Variants in PLCB1 observed in about 807,000 individuals in gnomAD.
PLCB1 encodes phospholipase C beta 1.
Under a neutral mutation model 161.8 loss-of-function variants are expected in PLCB1, and 46 were observed. The observed-to-expected ratio is 0.28, with a 90% CI of 0.22 to 0.36. The LOEUF (loss-of-function observed/expected upper bound fraction) is 0.36. Ranked by LOEUF, PLCB1 falls within the 10% of genes least tolerant of loss-of-function variation. PLCB1 has a pLI of 1.00. For missense variants in PLCB1, 1,016 were observed against 1,472.5 expected, an observed-to-expected ratio of 0.69 and a Z score of 5.07; for synonymous variants, 517 against 503.7, an observed-to-expected ratio of 1.03 and a Z score of -0.35.
intron 2 of PLCB1, among the ~76,000 whole-genome samples, chr20:8,263,427 G>C (rs560691426): frequency 6.6e-6 from 1 of 152,276 alleles, no homozygotes; most frequent in Admixed American, 6.5e-5. Context: ...CCTCAAATAT[G>C]ACATCAGTTG....
At chr20:8,604,538 G>A (rs187808168) in intron 3 of PLCB1, among the ~76,000 whole-genome samples, 173 of 152,182 alleles carry the variant, frequency 1.1e-3, no homozygotes, top group Admixed American at 1.4e-3. Flanking sequence ...TGATTTGAGT[G>A]CTTTTCATGG....
At chr20:8,200,048 TA>T (rs959265823) in intron 2 of PLCB1, among the ~76,000 whole-genome samples, 57 of 152,186 alleles carry the variant, frequency 3.7e-4, no homozygotes, top group African/African-American at 1.2e-3. Context: ...TATAATTGGT[TA>T]AAAAAATATT....
intron 3 of PLCB1, among the ~76,000 whole-genome samples, chr20:8,453,574 C>T (rs374051391): frequency 5.3e-5 from 8 of 152,134 alleles, no homozygotes; most frequent in African/African-American, 1.4e-4. Flanking sequence ...GTCCTTGCCT[C>T]CTTGAATTCA....
rs578070078 is a variant in PLCB1 at position 8,539,637 on chromosome 20, T to C, written c.247-88657T>C. Among the ~76,000 whole-genome samples the C allele has an allele frequency of 2.2e-3, 197 of 91,086 alleles. 2 individuals are homozygous for C. Among genetic ancestry groups the C allele is most frequent in the African/African-American group, 7.6e-3 (168 of 22,092 alleles). The allele number at this position is 91,086 out of a possible 152,430, so 59.8% of individuals were successfully genotyped here. ...TTTATTTTCTTTCTTTCTTTCTTTC[T>C]TTCTTTCTTTCTTTCTTTCTTTCTT... On this transcript the variant is annotated intron_variant, in intron 3 of 31. Coordinates refer to ENST00000338037, the MANE Select transcript of PLCB1 (RefSeq NM_015192.4).
chr20:8,255,603 A>G (rs1981370243), intron 2 of PLCB1, among the ~76,000 whole-genome samples: 1 of 152,120 alleles, frequency 6.6e-6, no homozygotes, highest in South Asian at 2.1e-4. Context: ...CTAATAAAGC[A>G]TTGCATTATT....
At chr20:8,788,210 T>C (rs1769777321) in intron 27 of PLCB1, among the ~76,000 whole-genome samples, 1 of 152,204 alleles carries the variant, frequency 6.6e-6, no homozygotes, top group Admixed American at 6.5e-5. Flanking sequence ...AACAATCTAA[T>C]GAATTCTGTT....
At chr20:8,610,803 T>C (rs1600190651) in intron 3 of PLCB1, among the ~76,000 whole-genome samples, 2 of 152,136 alleles carry the variant, frequency 1.3e-5, no homozygotes, top group East Asian at 1.9e-4. Context: ...CAATGACTTA[T>C]ACCTAGGTTT....
At chr20:8,290,915 A>G (rs1051716649) in intron 2 of PLCB1, among the ~76,000 whole-genome samples, 3 of 152,118 alleles carry the variant, frequency 2.0e-5, no homozygotes, top group African/African-American at 7.2e-5. Context: ...TATATAAATT[A>G]TAAGTTACAA....
At chr20:8,639,998 TTA>T (rs1314783456) in intron 4 of PLCB1, among the ~76,000 whole-genome samples, 1 of 152,148 alleles carries the variant, frequency 6.6e-6, no homozygotes. Flanking sequence ...AGAATCGTTC[TTA>T]TAGCAGAGGA....
chr20:8,330,122 C>T (rs902260356), intron 2 of PLCB1, among the ~76,000 whole-genome samples: 6 of 152,018 alleles, frequency 3.9e-5, no homozygotes, highest in African/African-American at 1.4e-4. Context: ...AACCATGGGG[C>T]CTTAAAATGA....
At chr20:8,308,582 G>A (rs186483937) in intron 2 of PLCB1, among the ~76,000 whole-genome samples, 84 of 145,910 alleles carry the variant, frequency 5.8e-4, no homozygotes, top group Admixed American at 1.1e-3. Flanking sequence ...GTGCCACTGC[G>A]CTGCAGTCTG....
chr20:8,144,382 C>T (rs1212040382), intron 1 of PLCB1, among the ~76,000 whole-genome samples: 1 of 152,136 alleles, frequency 6.6e-6, no homozygotes, highest in Non-Finnish European at 1.5e-5. Flanking sequence ...ACAATTCTTC[C>T]AACATTTCCC....
At position 8,724,845 on chromosome 20, in the gene PLCB1, A is replaced by G. The variant is rs912243768; in HGVS notation, c.1678+93A>G. 3 of 714,402 alleles carry G rather than the reference A, an allele frequency of 4.2e-6. No individual in the cohort carries two copies. The African/African-American group carries it at 5.4e-5, about 13-fold the overall frequency. 44.3% of individuals were successfully genotyped at this position (714,402 alleles called of 1,614,324 possible). On this transcript the variant is annotated intron_variant, in intron 16 of 31. Coordinates refer to ENST00000338037, the MANE Select transcript of PLCB1 (RefSeq NM_015192.4). Reference sequence around the variant, plus strand: ...GGGACCAAAGAATGTTACCCTTAATAGAGAGATTTATGCTTTTGAAGTCTT... The same window carrying G: ...GGGACCAAAGAATGTTACCCTTAATGGAGAGATTTATGCTTTTGAAGTCTT...
intron 2 of PLCB1, among the ~76,000 whole-genome samples, chr20:8,246,197 A>C (rs936446806): frequency 1.3e-5 from 2 of 152,064 alleles, no homozygotes; most frequent in Admixed American, 6.6e-5. Context: ...AAATGTAGTG[A>C]TTTGAAATTA....
intron 3 of PLCB1, among the ~76,000 whole-genome samples, chr20:8,405,338 C>A (rs1360769333): frequency 6.6e-6 from 1 of 152,178 alleles, no homozygotes; most frequent in African/African-American, 2.4e-5. Context: ...GGTTTCTCCA[C>A]CCTGGGGATA....
intron 31 of PLCB1, among the ~76,000 whole-genome samples, chr20:8,856,617 A>G (rs779340889): frequency 2.6e-5 from 4 of 152,170 alleles, no homozygotes; most frequent in Non-Finnish European, 5.9e-5. Context: ...ACTGTGTCTC[A>G]AAAAAATAAA....
intron 25 of PLCB1, among the ~76,000 whole-genome samples, chr20:8,764,111 G>A (rs112150716): frequency 4.6e-5 from 7 of 152,190 alleles, no homozygotes; most frequent in Non-Finnish European, 8.8e-5. Flanking sequence ...AGGTTGCAGT[G>A]AGCTGAGATC....
intron 31 of PLCB1, among the ~76,000 whole-genome samples, chr20:8,857,544 T>G (rs762467738): frequency 1.6e-4 from 25 of 152,234 alleles, no homozygotes; most frequent in Non-Finnish European, 3.5e-4. Flanking sequence ...GTATGCAAAC[T>G]CTGTACCAGA....
intron 2 of PLCB1, among the ~76,000 whole-genome samples, chr20:8,305,113 TTCCCCATACTA>T (rs1984074815): frequency 6.6e-6 from 1 of 152,232 alleles, no homozygotes; most frequent in African/African-American, 2.4e-5. Context: ...GGTCCAGCAC[TTCCCCATACTA>T]TCCCCATTAA....
Sources: allele counts gnomAD v4.1 joint callset (sites outside exome capture counted in the v4.1 genomes callset), GRCh38; gene constraint gnomAD v4.1.1; transcripts MANE v1.5; gene names NCBI Gene and HGNC (gene_info 2026-07-23, HGNC 2026-07-21).